The following LRMDA variants were observed in gnomAD, a reference collection of about 807,000 sequenced individuals.
LRMDA encodes leucine-rich melanocyte differentiation-associated protein.
Under a neutral mutation model 29.8 loss-of-function variants are expected in LRMDA, and 18 were observed. That is an observed-to-expected ratio of 0.60 (90% CI 0.42 to 0.90). LRMDA has a LOEUF of 0.90. Among genes scored for constraint, LRMDA ranks in the 40% least tolerant of loss-of-function variants. The probability of loss-of-function intolerance (pLI) is 0.00; values close to 1 mark genes in which losing one functional copy is unlikely to be tolerated. For missense variants in LRMDA, 273 were observed against 273.9 expected, an observed-to-expected ratio of 1.00 and a Z score of 0.02; for synonymous variants, 125 against 109.4, an observed-to-expected ratio of 1.14 and a Z score of -0.89.
chr10:75,675,698 A>G (rs1285532312), intron 2 of LRMDA, among the ~76,000 whole-genome samples: 2 of 99,042 alleles, frequency 2.0e-5, no homozygotes, highest in African/African-American at 3.9e-5. Context: ...CCAGAAATCT[A>G]TTGTTCAACT....
chr10:75,494,747 C>A (rs1032018742), intron 2 of LRMDA, among the ~76,000 whole-genome samples: 1 of 152,236 alleles, frequency 6.6e-6, no homozygotes, highest in Admixed American at 6.5e-5. Context: ...GTGATCCACC[C>A]ACCTTGGCCT....
chr10:76,273,638 A>C (rs960638407), intron 5 of LRMDA, among the ~76,000 whole-genome samples: 2 of 152,186 alleles, frequency 1.3e-5, no homozygotes, highest in Non-Finnish European at 2.9e-5. Context: ...CAATTTGGGC[A>C]TAAAGTAATG....
At chr10:76,283,391 C>T (rs964849094) in intron 5 of LRMDA, among the ~76,000 whole-genome samples, 1 of 152,046 alleles carries the variant, frequency 6.6e-6, no homozygotes, top group Non-Finnish European at 1.5e-5. Flanking sequence ...TAGAGTTCTT[C>T]CCACTGGGGA....
chr10:76,022,861 CGT>C (rs1285800072), intron 2 of LRMDA, among the ~76,000 whole-genome samples: 1 of 152,086 alleles, frequency 6.6e-6, no homozygotes, highest in Non-Finnish European at 1.5e-5. Flanking sequence ...GTTTAATTTC[CGT>C]ATCTCAAGCA....
chr10:75,596,570 T>G (rs1329471884), intron 2 of LRMDA, among the ~76,000 whole-genome samples: 1 of 152,106 alleles, frequency 6.6e-6, no homozygotes, highest in Admixed American at 6.5e-5. Flanking sequence ...TGACATATAA[T>G]AATTGTACAT....
At chr10:75,743,524 T>C (rs1842855735) in intron 2 of LRMDA, 1 of 152,232 alleles carries the variant, frequency 6.6e-6, no homozygotes, top group South Asian at 2.1e-4. Flanking sequence ...TTTTCATCCT[T>C]TCCTTCGTGG....
intron 2 of LRMDA, among the ~76,000 whole-genome samples, chr10:75,488,268 TA>T (rs917539691): frequency 1.3e-5 from 2 of 151,968 alleles, no homozygotes; most frequent in East Asian, 1.9e-4. Flanking sequence ...TCCTTTTTCT[TA>T]AAAAAAAGAA....
At chr10:75,442,877 T>G (rs1458304801) in intron 2 of LRMDA, among the ~76,000 whole-genome samples, 2 of 152,142 alleles carry the variant, frequency 1.3e-5, no homozygotes, top group Non-Finnish European at 2.9e-5. Flanking sequence ...CTTCAGTTTC[T>G]TTCATCAATG....
chr10:76,366,452 T>C (rs1841393119), intron 6 of LRMDA, among the ~76,000 whole-genome samples: 2 of 152,214 alleles, frequency 1.3e-5, no homozygotes, highest in Admixed American at 1.3e-4. Context: ...TAGTTTTCCT[T>C]GTAGAGGTCT....
intron 2 of LRMDA, chr10:75,782,706 G>T: frequency 1.6e-6 from 2 of 1,265,522 alleles, no homozygotes; most frequent in Non-Finnish European, 2.0e-6. Flanking sequence ...ATAAAGCCAG[G>T]CACTTGTGAG....
intron 6 of LRMDA, among the ~76,000 whole-genome samples, chr10:76,532,492 G>A (rs912976380): frequency 6.6e-6 from 1 of 152,200 alleles, no homozygotes; most frequent in Non-Finnish European, 1.5e-5. Context: ...AGATGAGTCA[G>A]ACAGTATCCT....
At chr10:75,771,170 A>G (rs914185721) in intron 2 of LRMDA, among the ~76,000 whole-genome samples, 2 of 152,126 alleles carry the variant, frequency 1.3e-5, no homozygotes, top group Non-Finnish European at 2.9e-5. Flanking sequence ...AAGGGAGAGA[A>G]ACAATTGCTT....
intron 2 of LRMDA, among the ~76,000 whole-genome samples, chr10:75,889,746 G>T (rs1349688158): frequency 1.3e-5 from 2 of 152,238 alleles, no homozygotes; most frequent in African/African-American, 4.8e-5. Context: ...ACTTGCTTGT[G>T]CAGAGCATCA....
chr10:76,558,536 G>GTTGA lies in LRMDA; in HGVS notation c.*1256_*1259dup, dbSNP rs953074939. 2.0e-5 allele frequency: 3 copies of GTTGA among 152,142 alleles called. No individual in the cohort carries two copies. Among genetic ancestry groups the GTTGA allele is most frequent in the South Asian group, 2.1e-4 (1 of 4,830 alleles). 9.4% of individuals were successfully genotyped at this position (152,142 alleles called of 1,614,324 possible). On this transcript the variant is annotated 3_prime_UTR_variant, in exon 7 of 7. Transcript: ENST00000611255. ...AATCACTCTAGAAGATGTTCAAAAG[G>GTTGA]TTGATTGATTGTTCTTGACACGATA... is the stretch of plus-strand genomic sequence containing the variant.
chr10:76,445,041 G>A (rs918294808), intron 6 of LRMDA, among the ~76,000 whole-genome samples: 23 of 151,920 alleles, frequency 1.5e-4, no homozygotes, highest in East Asian at 7.7e-4. Context: ...GACAAAGCGC[G>A]GTGCAAAGCA....
chr10:75,579,803 A>G lies in LRMDA; in HGVS notation c.131+141309A>G, dbSNP rs111762683. Among the ~76,000 whole-genome samples the G allele has an allele frequency of 5.5e-4, 84 of 152,372 alleles. 1 individual carries two copies. Among genetic ancestry groups the G allele is most frequent in the African/African-American group, 1.9e-3 (81 of 41,584 alleles). On this transcript the variant is annotated intron_variant, in intron 2 of 6. Transcript: ENST00000611255. Reference sequence around the variant, plus strand: ...AATAAACATAATCCATCACATAAACAGAACCAATGACAAAAATCACATGTT... The same window carrying G: ...AATAAACATAATCCATCACATAAACGGAACCAATGACAAAAATCACATGTT...
At chr10:76,416,382 T>A (rs1842014858) in intron 6 of LRMDA, among the ~76,000 whole-genome samples, 1 of 152,242 alleles carries the variant, frequency 6.6e-6, no homozygotes, top group African/African-American at 2.4e-5. Flanking sequence ...AACCCTCAGA[T>A]CTATCACTTA....
At chr10:75,687,336 T>G (rs891569193) in intron 2 of LRMDA, among the ~76,000 whole-genome samples, 1 of 152,160 alleles carries the variant, frequency 6.6e-6, no homozygotes. Flanking sequence ...AGTGAATACA[T>G]GTATGATAAA....
chr10:75,437,749 G>A (rs771157238), intron 1 of LRMDA, among the ~76,000 whole-genome samples: 6 of 152,226 alleles, frequency 3.9e-5, no homozygotes, highest in Non-Finnish European at 5.9e-5. Context: ...TGTGCACAGA[G>A]TGGGATTGAC....
Sources: gnomAD v4.1 joint callset for allele counts (sites outside exome capture counted in the v4.1 genomes callset) on GRCh38, gnomAD v4.1.1 for gene constraint, MANE v1.5 for transcripts, NCBI Gene and HGNC (gene_info 2026-07-23, HGNC 2026-07-21) for gene names.